MCUB: variants seen among roughly 807,000 people sequenced by gnomAD.
MCUB encodes calcium uniporter regulatory subunit MCUb, mitochondrial.
MCUB carries 46 observed loss-of-function variants against 41.4 expected under a neutral mutation model. The ratio of observed to expected loss-of-function variants is 1.11; its 90% CI spans 0.88 to 1.42. MCUB has a LOEUF of 1.42. Among genes scored for constraint, MCUB ranks in the 40% most tolerant of loss-of-function variants. MCUB has a pLI of 0.00. For synonymous variants in MCUB, 148 were observed against 148.2 expected (o/e 1.00, Z 0.01); for missense variants, 403 against 404.9 (o/e 1.00, Z 0.04).
chr4:109,680,993 AGAG>A (rs1200595325), intron 4 of MCUB, among the ~76,000 whole-genome samples: 1 of 152,216 alleles, frequency 6.6e-6, no homozygotes, highest in Non-Finnish European at 1.5e-5. Flanking sequence ...TCTATAATCA[AGAG>A]AACTTTATAT....
intron 1 of MCUB, among the ~76,000 whole-genome samples, chr4:109,580,073 C>T (rs1384602432): frequency 6.6e-6 from 1 of 152,074 alleles, no homozygotes. Flanking sequence ...TGTTCCCCGC[C>T]CTGTTTCCAC....
intron 1 of MCUB, among the ~76,000 whole-genome samples, chr4:109,620,143 G>A (rs1011638565): frequency 5.3e-5 from 8 of 152,112 alleles, no homozygotes; most frequent in African/African-American, 1.4e-4. Flanking sequence ...CAAGTGTTCT[G>A]TTCCTTCTCG....
At chr4:109,662,108 C>T (rs1729244045) in intron 3 of MCUB, among the ~76,000 whole-genome samples, 1 of 152,100 alleles carries the variant, frequency 6.6e-6, no homozygotes, top group Non-Finnish European at 1.5e-5. Context: ...TGGGGAAGGG[C>T]AGATCAGGAA....
chr4:109,583,408 T>A (rs1727230653), intron 1 of MCUB, among the ~76,000 whole-genome samples: 1 of 152,296 alleles, frequency 6.6e-6, no homozygotes, highest in Admixed American at 6.5e-5. Context: ...TGCACATTCA[T>A]TTTTGTATCC....
At chr4:109,592,900 AC>A in intron 1 of MCUB, among the ~76,000 whole-genome samples, 1 of 152,316 alleles carries the variant, frequency 6.6e-6, no homozygotes, top group Non-Finnish European at 1.5e-5. Context: ...TCTAATATAC[AC>A]ACAGATATTT....
At chr4:109,569,911 G>A (rs576962976) in intron 1 of MCUB, among the ~76,000 whole-genome samples, 33 of 152,150 alleles carry the variant, frequency 2.2e-4, no homozygotes, top group Non-Finnish European at 3.1e-4. Flanking sequence ...GAATGCTGTT[G>A]GAGGCTGTCA....
chr4:109,647,618 G>A (rs150494158), intron 1 of MCUB, among the ~76,000 whole-genome samples: 308 of 151,966 alleles, frequency 2.0e-3, no homozygotes, highest in African/African-American at 7.0e-3. Flanking sequence ...TCCAAGTTTC[G>A]GCAATTATAA....
intron 1 of MCUB, among the ~76,000 whole-genome samples, chr4:109,630,172 G>T (rs1728443302): frequency 6.6e-6 from 1 of 152,090 alleles, no homozygotes; most frequent in South Asian, 2.1e-4. Context: ...GATTAAAAAA[G>T]AATTCTTGTT....
At chr4:109,650,102 G>A (rs1728926366) in intron 1 of MCUB, among the ~76,000 whole-genome samples, 1 of 152,220 alleles carries the variant, frequency 6.6e-6, no homozygotes, top group African/African-American at 2.4e-5. Flanking sequence ...GGTTTGAGGT[G>A]AGGTGTAAAC....
In MCUB at chr4:109,560,403, A is replaced by T; in HGVS notation, c.66A>T (p.Pro22=). 2 of 1,319,302 alleles carry T rather than the reference A, an allele frequency of 1.5e-6. No homozygotes were observed. The highest frequency in any genetic ancestry group is 1.9e-6 in the Non-Finnish European group (2 of 1,034,414). 81.7% of individuals were successfully genotyped at this position (1,319,302 alleles called of 1,614,324 possible). ...TGCCGACCCCTGGCACCTGGCGCCC[A>T]GCGCGCCCGTGGCCGCTGCCGCCTC... The part of the protein sequence containing the change: ...RLLPTPGTWR[P]ARPWPLPPPP... Residue 22 remains proline (P), a synonymous_variant, in exon 1 of 8, where the codon CCA becomes CCT. Transcript: ENST00000394650.
chr4:109,644,664 G>A (rs540404397), intron 1 of MCUB, among the ~76,000 whole-genome samples: 2 of 152,130 alleles, frequency 1.3e-5, no homozygotes, highest in South Asian at 2.1e-4. Context: ...CACCAATAAC[G>A]CTATCATCTA....
chr4:109,626,984 G>T (rs1011272174), intron 1 of MCUB, among the ~76,000 whole-genome samples: 1 of 152,136 alleles, frequency 6.6e-6, no homozygotes, highest in South Asian at 2.1e-4. Context: ...GGAGATATTT[G>T]TTCAACATTA....
intron 1 of MCUB, among the ~76,000 whole-genome samples, chr4:109,626,031 G>A (rs1202499855): frequency 2.0e-5 from 3 of 152,134 alleles, no homozygotes; most frequent in Non-Finnish European, 4.4e-5. Flanking sequence ...TTACAAATGG[G>A]TGTCCTAGAT....
At chr4:109,669,668 T>C (rs1238633221) in intron 4 of MCUB, among the ~76,000 whole-genome samples, 6 of 151,920 alleles carry the variant, frequency 3.9e-5, no homozygotes, top group Non-Finnish European at 7.4e-5. Context: ...ATTTTGTGGC[T>C]GTCCTAAAGT....
At chr4:109,572,211 G>T (rs1726930657) in intron 1 of MCUB, among the ~76,000 whole-genome samples, 1 of 152,218 alleles carries the variant, frequency 6.6e-6, no homozygotes, top group Admixed American at 6.5e-5. Context: ...TAATAGAAAA[G>T]GATATAGTCT....
rs550316362 is a variant in MCUB, at chr4:109,634,937, A to G, written c.100-24074A>G. Among the ~76,000 whole-genome samples, 397 of 152,126 alleles carry G rather than the reference A, an allele frequency of 2.6e-3. 2 individuals are homozygous for G. The highest frequency in any genetic ancestry group is 8.8e-3 in the African/African-American group (364 of 41,502). On this transcript the variant is annotated intron_variant, in intron 1 of 7. Coordinates refer to ENST00000394650, the MANE Select transcript of MCUB (RefSeq NM_017918.5). ...TCATCTACATTAGGTATTTCTCCTA[A>G]TGCTCTCTCCCCTAGCCCCCCAACC...
At chr4:109,623,625 G>C (rs1728301550) in intron 1 of MCUB, among the ~76,000 whole-genome samples, 1 of 152,166 alleles carries the variant, frequency 6.6e-6, no homozygotes, top group Admixed American at 6.5e-5. Context: ...GTGTATTGCT[G>C]CTTTTGGGTG....
intron 1 of MCUB, among the ~76,000 whole-genome samples, chr4:109,625,109 C>T (rs955629715): frequency 6.6e-6 from 1 of 152,098 alleles, no homozygotes; most frequent in African/African-American, 2.4e-5. Flanking sequence ...CACTGCACTC[C>T]AGCCTGGGTG....
At chr4:109,618,836 A>G (rs1728183921) in intron 1 of MCUB, among the ~76,000 whole-genome samples, 1 of 152,194 alleles carries the variant, frequency 6.6e-6, no homozygotes, top group Non-Finnish European at 1.5e-5. Context: ...ACTTACATTC[A>G]ATAAATAAAA....
Sources: allele counts gnomAD v4.1 joint callset (sites outside exome capture counted in the v4.1 genomes callset), GRCh38; gene constraint gnomAD v4.1.1; transcripts MANE v1.5; gene names NCBI Gene and HGNC (gene_info 2026-07-23, HGNC 2026-07-21).